The following DNAH9 variants were observed in gnomAD, a reference collection of about 807,000 sequenced individuals.
DNAH9 encodes the protein dynein axonemal heavy chain 9, also known as DNAH9 variant protein.
A neutral mutation model predicts 471.6 loss-of-function variants in DNAH9; 345 were observed. That is an observed-to-expected ratio of 0.73 (90% CI 0.67 to 0.80). The LOEUF (loss-of-function observed/expected upper bound fraction) is 0.80. Among genes scored for constraint, DNAH9 ranks in the 30% least tolerant of loss-of-function variants. The pLI is 0.00. For missense variants in DNAH9, 5,407 were observed against 5,609.2 expected (o/e 0.96, Z 1.15); for synonymous variants, 2,093 against 2,123.6 (o/e 0.99, Z 0.40).
In DNAH9 at chr17:11,669,388, C is replaced by A; in HGVS notation, c.2947C>A (p.Pro983Thr). Reference protein sequence around the residue: ...PHYQVDLDGIPDLANMRRTLM... With the variant: ...PHYQVDLDGITDLANMRRTLM... ...TCCCCAGGTCGACCTGGACGGTATA[C>A]CAGATTTGGCAAACATGCGGCGCAC... The change falls in exon 17 of 69, where the codon CCA (proline) becomes ACA (threonine). Residue 983 changes from proline to threonine, a missense_variant. Around this residue, in one of 3 missense-constraint regions of DNAH9, gnomAD observed 4,636 missense variants for 4,900.3 expected, o/e 0.95. Coordinates refer to ENST00000262442, the MANE Select transcript of DNAH9 (RefSeq NM_001372.4). The A allele has an allele frequency of 6.2e-7, 1 of 1,612,934 alleles. No individual in the cohort carries two copies.
At chr17:11,608,040 T>C (rs2072546705) in intron 1 of DNAH9, 89 bp from the exon 2 acceptor site, 1 of 1,035,936 alleles carries the variant, frequency 9.7e-7, no homozygotes, top group African/African-American at 1.6e-5. Flanking sequence ...AGGTTGTATA[T>C]AGCTTTATAA....
At chr17:11,900,935 A>T (rs1485073986) in intron 59 of DNAH9, among the ~76,000 whole-genome samples, 3 of 152,098 alleles carry the variant, frequency 2.0e-5, no homozygotes, top group Non-Finnish European at 4.4e-5. Context: ...AATAGAACAG[A>T]CCTCCTACAC....
intron 34 of DNAH9, among the ~76,000 whole-genome samples, chr17:11,757,243 G>C (rs1044947201): frequency 6.6e-6 from 1 of 152,078 alleles, no homozygotes; most frequent in African/African-American, 2.4e-5. Context: ...AAAAATTGTT[G>C]GGCCGGGCTC....
At chr17:11,600,422 T>A (rs2072361097) in intron 1 of DNAH9, among the ~76,000 whole-genome samples, 1 of 152,154 alleles carries the variant, frequency 6.6e-6, no homozygotes, top group Non-Finnish European at 1.5e-5. Context: ...CTAGTGTATG[T>A]GGGAGACAGA....
chr17:11,740,819 C>A (rs113441429), intron 29 of DNAH9, among the ~76,000 whole-genome samples: 4 of 152,182 alleles, frequency 2.6e-5, no homozygotes, highest in African/African-American at 7.2e-5. Flanking sequence ...GAGTTTGAAC[C>A]CAGAGCCCCT....
At chr17:11,765,344 T>C (rs1967889819) in intron 36 of DNAH9, among the ~76,000 whole-genome samples, 1 of 152,260 alleles carries the variant, frequency 6.6e-6, no homozygotes, top group Admixed American at 6.5e-5. Context: ...GGATTGATTG[T>C]GAGCCTCTTT....
chr17:11,906,619 C>A, intron 61 of DNAH9, among the ~76,000 whole-genome samples: 1 of 140,708 alleles, frequency 7.1e-6, no homozygotes, highest in Non-Finnish European at 1.5e-5. Flanking sequence ...AAGAGCAAGA[C>A]TCTGTCTCAA....
chr17:11,679,520 C>T (rs1597468952), intron 17 of DNAH9, among the ~76,000 whole-genome samples: 1 of 152,198 alleles, frequency 6.6e-6, no homozygotes, highest in East Asian at 1.9e-4. Context: ...CGTGTCTCCT[C>T]CTGAGTCTCC....
chr17:11,747,840 G>T, intron 32 of DNAH9, 74 bp downstream of exon 32: 1 of 1,323,796 alleles, frequency 7.6e-7, no homozygotes, highest in Non-Finnish European at 1.1e-6. Flanking sequence ...GATGCAGTTG[G>T]GTGAATTGCA....
intron 10 of DNAH9, 91 bp downstream of exon 10, chr17:11,640,475 G>A (rs2150685135): frequency 5.8e-6 from 5 of 866,326 alleles, no homozygotes; most frequent in East Asian, 2.4e-5. Context: ...CCTGCTTAAC[G>A]AAGGCCAGAA....
chr17:11,788,322 A>G (rs1208815913), intron 41 of DNAH9, among the ~76,000 whole-genome samples: 1 of 152,222 alleles, frequency 6.6e-6, no homozygotes, highest in East Asian at 1.9e-4. Flanking sequence ...ACCTAAGGGA[A>G]TTTCTTTTTG....
At chr17:11,700,745 C>A (rs1192303863) in intron 23 of DNAH9, among the ~76,000 whole-genome samples, 1 of 152,176 alleles carries the variant, frequency 6.6e-6, no homozygotes, top group Non-Finnish European at 1.5e-5. Flanking sequence ...CTGGGGAATA[C>A]AATCCTGGTT....
chr17:11,955,591 T>G (rs1302210198), intron 67 of DNAH9, among the ~76,000 whole-genome samples: 1 of 152,212 alleles, frequency 6.6e-6, no homozygotes, highest in Non-Finnish European at 1.5e-5. Context: ...TTTCAGCATA[T>G]GATTGTATTA....
At chr17:11,783,037 A>T (rs534380568) in intron 39 of DNAH9, among the ~76,000 whole-genome samples, 30 of 152,248 alleles carry the variant, frequency 2.0e-4, no homozygotes, top group African/African-American at 6.7e-4. Flanking sequence ...TGTTCCCTCC[A>T]CTGTTCTTAC....
At chr17:11,893,401 A>G (rs2151005521) in intron 58 of DNAH9, among the ~76,000 whole-genome samples, 1 of 151,358 alleles carries the variant, frequency 6.6e-6, no homozygotes, top group Non-Finnish European at 1.5e-5. Context: ...AAAGACACAT[A>G]CACACGTATG....
In DNAH9 at chr17:11,937,250, GAGGGATAC is replaced by G; in HGVS notation, c.12490-101_12490-94del. Reference sequence around the variant, plus strand: ...GGATGGTGAGCAGTGTCCCCTGGAGGAGGGATACTAGCCCATGGACTCCCTGCAGAGGA... The same window carrying G: ...GGATGGTGAGCAGTGTCCCCTGGAGGTAGCCCATGGACTCCCTGCAGAGGA... On this transcript the variant is annotated intron_variant, in intron 65 of 68. Transcript: ENST00000262442. The surrounding 1 kb of genome is among the most constrained non-coding windows in gnomAD (Gnocchi z 4.1). The G allele has an allele frequency of 1.4e-6, 2 of 1,385,490 alleles. No individual in the cohort carries two copies. Among genetic ancestry groups the G allele is most frequent in the Non-Finnish European group, 2.0e-6 (2 of 1,022,698 alleles). 85.8% of individuals were successfully genotyped at this position (1,385,490 alleles called of 1,614,324 possible). A position where few individuals can be genotyped will look rare whatever the true frequency, so the allele number is the denominator to read the frequency against.
chr17:11,658,648 T>A (rs1329803007), intron 14 of DNAH9, among the ~76,000 whole-genome samples: 1 of 152,184 alleles, frequency 6.6e-6, no homozygotes, highest in African/African-American at 2.4e-5. Flanking sequence ...ATGGATGTTC[T>A]TTGTCAGACC....
Position 11,632,602 on chromosome 17 carries a change from G to A in DNAH9, c.1534G>A (p.Val512Ile), listed in dbSNP as rs201521165. The A allele has an allele frequency of 2.4e-5, 38 of 1,587,254 alleles. No homozygotes were observed. The highest frequency in any genetic ancestry group is 1.1e-4 in the African/African-American group (8 of 74,496). The change falls in exon 8 of 69, where the codon GTC becomes ATC. Residue 512 changes from valine to isoleucine, a missense_variant. Val to Ile is a conservative substitution (Grantham distance 29). This residue lies in a region of DNAH9 where 767 missense variants were observed against 692.5 expected (regional missense o/e 1.11). Coordinates refer to ENST00000262442, the MANE Select transcript of DNAH9 (RefSeq NM_001372.4). ...GTCTCTTCAGGACTTTGAAAATGAC[G>A]TCTCTGAATTTAACCAGAAAGTAGA... ...YLQSTDFEND[V>I]SEFNQKVEDL...
chr17:11,920,751 C>T (rs919923754), intron 61 of DNAH9, among the ~76,000 whole-genome samples: 1 of 151,950 alleles, frequency 6.6e-6, no homozygotes, highest in Non-Finnish European at 1.5e-5. Flanking sequence ...GTTCCAAAGC[C>T]CCTAATACAA....
Sources: allele counts gnomAD v4.1 joint callset (sites outside exome capture counted in the v4.1 genomes callset), GRCh38; gene constraint gnomAD v4.1.1; regional missense constraint gnomAD v4.1.1; non-coding constraint Gnocchi (gnomAD v3.1); transcripts MANE v1.5; gene names NCBI Gene and HGNC (gene_info 2026-07-23, HGNC 2026-07-21).